Variants in SRFBP1 observed in about 807,000 individuals in gnomAD.
SRFBP1 encodes serum response factor-binding protein 1.
A neutral mutation model predicts 45.5 loss-of-function variants in SRFBP1; 47 were observed. The observed-to-expected ratio is 1.03, with a 90% CI of 0.82 to 1.32. The LOEUF (loss-of-function observed/expected upper bound fraction) is 1.32, where lower values mean the gene tolerates loss of function less well. Ranked by LOEUF, SRFBP1 falls within the 40% of genes most tolerant of loss-of-function variation. SRFBP1 has a pLI of 0.00. For synonymous variants in SRFBP1, 203 were observed against 166.3 expected (o/e 1.22, Z -1.70); for missense variants, 621 against 484.6 (o/e 1.28, Z -2.64).
chr5:122,048,475 A>G (rs1484339310), intron 2 of SRFBP1, among the ~76,000 whole-genome samples: 1 of 152,178 alleles, frequency 6.6e-6, no homozygotes, highest in Non-Finnish European at 1.5e-5. Flanking sequence ...TTTTGCATCA[A>G]TGTTCATCAA....
downstream of SRFBP1, among the ~76,000 whole-genome samples, chr5:122,030,370 A>G (rs1333573250): frequency 6.6e-6 from 1 of 152,340 alleles, no homozygotes; most frequent in East Asian, 1.9e-4. Flanking sequence ...GTGAAAACCA[A>G]CAGCCCATGA....
chr5:122,009,052 C>T (rs958596605), intron 4 of SRFBP1, among the ~76,000 whole-genome samples: 1 of 152,144 alleles, frequency 6.6e-6, no homozygotes, highest in African/African-American at 2.4e-5. Context: ...ATACTCCCAC[C>T]TTCAGTATAT....
At chr5:122,021,128 T>C (rs533899818) in intron 6 of SRFBP1, among the ~76,000 whole-genome samples, 1 of 152,358 alleles carries the variant, frequency 6.6e-6, no homozygotes, top group African/African-American at 2.4e-5. Context: ...CATGTATCTT[T>C]CTAAACAGAA....
intron 1 of SRFBP1, among the ~76,000 whole-genome samples, chr5:121,972,159 A>G (rs966959226): frequency 1.3e-5 from 2 of 151,978 alleles, no homozygotes; most frequent in African/African-American, 2.4e-5. Flanking sequence ...GTAAAGGGAT[A>G]ATCCATAGTA....
chr5:122,050,281 C>T (rs1475174818), intron 2 of SRFBP1, among the ~76,000 whole-genome samples: 2 of 152,112 alleles, frequency 1.3e-5, no homozygotes, highest in South Asian at 2.1e-4. Context: ...GGAGGAGTTC[C>T]TCATGCTCAG....
intron 2 of SRFBP1, among the ~76,000 whole-genome samples, chr5:122,053,379 C>G (rs1481441301): frequency 6.6e-6 from 1 of 152,136 alleles, no homozygotes; most frequent in Non-Finnish European, 1.5e-5. Flanking sequence ...CAGGTGTTGC[C>G]TGCCTGGCTG....
In SRFBP1 at chr5:122,070,738, T is replaced by C. The variant is rs1754426631; in HGVS notation, n.312-4577T>C. The C allele has an allele frequency of 2.9e-5, 15 of 515,252 alleles. No individual in the cohort carries two copies. The South Asian group carries it at 5.3e-4, about 18-fold the overall frequency. The allele number at this position is 515,252 out of a possible 1,614,324, so 31.9% of individuals were successfully genotyped here. Reference sequence around the variant, plus strand: ...CTTATATTTCATCTCCCTTGAGAAGTATTTATTACTCAGCCTTATAGCACC... The same window carrying C: ...CTTATATTTCATCTCCCTTGAGAAGCATTTATTACTCAGCCTTATAGCACC... On this transcript the variant is annotated intron_variant and non_coding_transcript_variant, in intron 2 of 2. Coordinates refer to the SRFBP1 transcript ENST00000504881.
rs374016254 is a variant in SRFBP1 at position 122,020,265 on chromosome 5, C to A, written c.530C>A (p.Ala177Glu). 1.2e-6 allele frequency: 2 copies of A among 1,612,446 alleles called. No homozygotes were observed. The highest frequency in any genetic ancestry group is 3.3e-5 in the Admixed American group (2 of 59,732). Residue 177 changes from alanine (A) to glutamate (E), a missense_variant, in exon 6 of 8, where the codon GCG becomes GAG. Coordinates refer to ENST00000339397, the MANE Select transcript of SRFBP1 (RefSeq NM_152546.3). ...AAAGTCAAAGAAACCAAAATATTGG[C>A]GAAGAAACCAATACATAATTCAAAG... is the stretch of plus-strand genomic sequence containing the variant. ...EQKVKETKIL[A>E]KKPIHNSKEK...
chr5:122,050,655 C>G (rs568505522), intron 2 of SRFBP1, among the ~76,000 whole-genome samples: 4 of 152,058 alleles, frequency 2.6e-5, no homozygotes, highest in Admixed American at 1.3e-4. Flanking sequence ...GTTTATTAGT[C>G]CAGCCAGTGG....
intron 2 of SRFBP1, among the ~76,000 whole-genome samples, chr5:122,042,330 G>A (rs1054062199): frequency 6.6e-6 from 1 of 152,004 alleles, no homozygotes; most frequent in Non-Finnish European, 1.5e-5. Context: ...GCTATAACAC[G>A]ATCATGGCTC....
chr5:121,970,035 T>G (rs554483198), intron 1 of SRFBP1, among the ~76,000 whole-genome samples: 1 of 152,136 alleles, frequency 6.6e-6, no homozygotes, highest in Non-Finnish European at 1.5e-5. Flanking sequence ...CTTGGACTTC[T>G]GGCAGTATTG....
intron 7 of SRFBP1, among the ~76,000 whole-genome samples, chr5:122,022,957 C>T (rs1392696830): frequency 2.0e-5 from 3 of 152,218 alleles, no homozygotes; most frequent in Non-Finnish European, 4.4e-5. Flanking sequence ...CATAGTCATT[C>T]AAGGATCAGG....
intron 2 of SRFBP1, among the ~76,000 whole-genome samples, chr5:122,043,775 C>CT (rs1753808017): frequency 6.6e-6 from 1 of 152,116 alleles, no homozygotes; most frequent in Non-Finnish European, 1.5e-5. Flanking sequence ...CATAAGGTCT[C>CT]TGTGGCAGCT....
intron 1 of SRFBP1, among the ~76,000 whole-genome samples, chr5:121,970,476 A>G (rs1384949018): frequency 6.6e-6 from 1 of 152,024 alleles, no homozygotes; most frequent in Non-Finnish European, 1.5e-5. Flanking sequence ...TTATTTTATG[A>G]ATAACTTAAC....
At chr5:122,044,926 CT>C (rs1404129146) in intron 2 of SRFBP1, among the ~76,000 whole-genome samples, 1 of 152,044 alleles carries the variant, frequency 6.6e-6, no homozygotes, top group Non-Finnish European at 1.5e-5. Context: ...GTCATGAAAC[CT>C]TTGCCAAGTC....
intron 2 of SRFBP1, among the ~76,000 whole-genome samples, chr5:122,062,915 G>T (rs757639317): frequency 6.6e-6 from 1 of 151,804 alleles, no homozygotes; most frequent in Non-Finnish European, 1.5e-5. Flanking sequence ...TATATTTCTT[G>T]TAAACCTTAA....
chr5:121,982,804 A>G (rs1041335714), intron 3 of SRFBP1, among the ~76,000 whole-genome samples: 2 of 151,752 alleles, frequency 1.3e-5, no homozygotes, highest in Non-Finnish European at 3.0e-5. Flanking sequence ...ATGAAGGGAG[A>G]AAGCAGTATA....
In SRFBP1 at chr5:122,058,952, A is replaced by G. The variant is rs1018461662; in HGVS notation, n.312-16363A>G. 4.7e-4 allele frequency among the ~76,000 whole-genome samples: 71 copies of G among 152,094 alleles called. 1 individual carries two copies. The highest frequency in any genetic ancestry group is 1.8e-4 in the Non-Finnish European group (12 of 68,016). The stretch of plus-strand genomic sequence containing the variant: ...CTGATGGGGAAAATCCAATTCTTAG[A>G]TTTTTCTAGAAAATTCAAATAGACC... On this transcript the variant is annotated intron_variant and non_coding_transcript_variant, in intron 2 of 2. Coordinates refer to the SRFBP1 transcript ENST00000504881.
intron 2 of SRFBP1, among the ~76,000 whole-genome samples, chr5:122,049,785 T>A (rs1471018578): frequency 6.6e-6 from 1 of 152,060 alleles, no homozygotes; most frequent in Non-Finnish European, 1.5e-5. Context: ...ACTCGGTACA[T>A]AACGAAATGA....
Sources: allele counts gnomAD v4.1 joint callset (sites outside exome capture counted in the v4.1 genomes callset), GRCh38; gene constraint gnomAD v4.1.1; transcripts MANE v1.5; gene names NCBI Gene and HGNC (gene_info 2026-07-23, HGNC 2026-07-21).